Variants in PDPN observed in about 807,000 individuals in gnomAD.
The protein encoded by PDPN is podoplanin, also known as PA2.26 antigen.
PDPN carries 12 observed loss-of-function variants against 23.2 expected under a neutral mutation model. That is an observed-to-expected ratio of 0.52 (90% CI 0.33 to 0.84). PDPN has a LOEUF of 0.84. Among genes scored for constraint, PDPN ranks in the 40% least tolerant of loss-of-function variants. The pLI is 0.02. For missense variants in PDPN, 199 were observed against 212.2 expected (o/e 0.94, Z 0.39); for synonymous variants, 77 against 76.7 (o/e 1.00, Z -0.02).
chr1:13,611,767 G>T (rs183228831), intron 3 of PDPN, among the ~76,000 whole-genome samples: 2 of 151,820 alleles, frequency 1.3e-5, no homozygotes, highest in South Asian at 2.1e-4. Context: ...GGCGGGGAGT[G>T]GGGGGAACCT....
intron 3 of PDPN, among the ~76,000 whole-genome samples, chr1:13,613,444 C>G (rs1009640303): frequency 6.6e-5 from 10 of 151,950 alleles, no homozygotes; most frequent in African/African-American, 2.4e-4. Flanking sequence ...AAAATTAATA[C>G]GTAGAAAAGT....
At chr1:13,604,447 A>G (rs1449734340) in intron 1 of PDPN, among the ~76,000 whole-genome samples, 1 of 150,540 alleles carries the variant, frequency 6.6e-6, no homozygotes, top group African/African-American at 2.4e-5. Flanking sequence ...AATCCTGACT[A>G]TCATTCATAA....
At chr1:13,609,213 C>G (rs1014492744) in intron 2 of PDPN, among the ~76,000 whole-genome samples, 16 of 152,160 alleles carry the variant, frequency 1.1e-4, no homozygotes, top group African/African-American at 3.1e-4. Context: ...TAAGGCTAGT[C>G]TAGTCTAGTC....
chr1:13,605,282 A>AAGCAGT (rs1640753397), intron 1 of PDPN, among the ~76,000 whole-genome samples: 1 of 152,244 alleles, frequency 6.6e-6, no homozygotes, highest in African/African-American at 2.4e-5. Flanking sequence ...AGTGCTGCCT[A>AAGCAGT]GAGACAAACA....
intron 1 of PDPN, among the ~76,000 whole-genome samples, chr1:13,603,459 A>C (rs1384911155): frequency 1.3e-5 from 2 of 152,206 alleles, no homozygotes; most frequent in African/African-American, 4.8e-5. Flanking sequence ...GCAAAGATAA[A>C]AGTTATTCAT....
rs3060293 is a variant in PDPN, at chr1:13,617,741, C to CTA, written c.*1831_*1832insAT. On this transcript the variant is annotated 3_prime_UTR_variant, in exon 6 of 6. Transcript: ENST00000621990. ...AGAAGAGCTGGATGAGTTTAAATAA[C>CTA]TCATTGTTCAGATTCCTGAACAGGA... is the stretch of plus-strand genomic sequence containing the variant. The CTA allele has an allele frequency of 6.6e-6, 1 of 152,222 alleles. No individual in the cohort carries two copies. The highest frequency in any genetic ancestry group is 1.5e-5 in the Non-Finnish European group (1 of 68,080). 9.4% of individuals were successfully genotyped at this position (152,222 alleles called of 1,614,324 possible).
chr1:13,592,040 C>G (rs944479523), intron 1 of PDPN, among the ~76,000 whole-genome samples: 1 of 152,230 alleles, frequency 6.6e-6, no homozygotes, highest in African/African-American at 2.4e-5. Flanking sequence ...CTGGTAGTTT[C>G]AATTTGCATT....
intron 1 of PDPN, among the ~76,000 whole-genome samples, chr1:13,602,810 C>T (rs1053718188): frequency 1.3e-5 from 2 of 152,072 alleles, no homozygotes; most frequent in African/African-American, 4.8e-5. Context: ...TCAGGTGATC[C>T]ACCCGTCTCA....
intron 2 of PDPN, among the ~76,000 whole-genome samples, chr1:13,608,901 C>T (rs545158019): frequency 4.6e-5 from 7 of 151,936 alleles, no homozygotes; most frequent in South Asian, 2.1e-4. Context: ...AATTACAGAA[C>T]GGCTGCCTTT....
chr1:13,610,394 C>T lies in PDPN; in HGVS notation c.209C>T (p.Thr70Ile), dbSNP rs771894538. 6.2e-7 allele frequency: 1 copy of T among 1,613,052 alleles called. No individual in the cohort carries two copies. The highest frequency in any genetic ancestry group is 8.5e-7 in the Non-Finnish European group (1 of 1,179,354). ...CATTTACACCTACAATAGGTGGCAA[C>T]AAGTGTCAACAGTGTAACAGGCATT... Reference protein sequence around the residue: ...YKSGLTTLVATSVNSVTGIRI... With the variant: ...YKSGLTTLVAISVNSVTGIRI... Residue 70 changes from threonine to isoleucine, a missense_variant, in exon 3 of 6, where the codon ACA (threonine) becomes ATA (isoleucine). Thr to Ile is a moderately conservative substitution (Grantham distance 89). Coordinates refer to ENST00000621990, the MANE Select transcript of PDPN (RefSeq NM_006474.5).
At chr1:13,608,957 A>AGTCTC in intron 2 of PDPN, among the ~76,000 whole-genome samples, 1 of 152,180 alleles carries the variant, frequency 6.6e-6, no homozygotes, top group East Asian at 1.9e-4. Context: ...AGCCTAAAGT[A>AGTCTC]GTCTCACCCT....
intron 2 of PDPN, 111 bp from the exon 3 acceptor site, chr1:13,610,276 A>G (rs529788660): frequency 4.5e-4 from 371 of 823,080 alleles, no homozygotes; most frequent in Non-Finnish European, 6.6e-4. Context: ...AATTCATGCC[A>G]TCATATGTTC....
intron 1 of PDPN, among the ~76,000 whole-genome samples, chr1:13,596,566 C>G (rs1054677442): frequency 2.0e-5 from 3 of 152,212 alleles, no homozygotes; most frequent in African/African-American, 7.2e-5. Flanking sequence ...GGGCACACAG[C>G]TCTGGGTTAG....
At chr1:13,608,797 T>C (rs888924251) in intron 2 of PDPN, among the ~76,000 whole-genome samples, 2 of 152,198 alleles carry the variant, frequency 1.3e-5, no homozygotes, top group African/African-American at 2.4e-5. Context: ...ACTGTGTCCA[T>C]TGGCTGGAGT....
chr1:13,614,102 C>T (rs1641005020), intron 4 of PDPN, among the ~76,000 whole-genome samples, 198 bp from the exon 5 acceptor site: 1 of 152,114 alleles, frequency 6.6e-6, no homozygotes, highest in Admixed American at 6.5e-5. Flanking sequence ...TCCTCAGACC[C>T]AGAAATCTTC....
At chr1:13,592,992 T>G (rs541051553) in intron 1 of PDPN, among the ~76,000 whole-genome samples, 2 of 152,350 alleles carry the variant, frequency 1.3e-5, no homozygotes, top group East Asian at 3.9e-4. Context: ...TTACTGCAGC[T>G]TTGTAGTAAG....
chr1:13,616,118 A>G lies in PDPN; in HGVS notation c.*207A>G. ...GGCTCCTCTAAACATTTGCTGTTCA[A>G]ACATGTTTTTGAATATACATTCTAT... On this transcript the variant is annotated 3_prime_UTR_variant, in exon 6 of 6. Coordinates refer to ENST00000621990, the MANE Select transcript of PDPN (RefSeq NM_006474.5). The G allele has an allele frequency of 3.4e-6, 2 of 596,884 alleles. No individual in the cohort carries two copies. Among genetic ancestry groups the G allele is most frequent in the Non-Finnish European group, 6.0e-6 (2 of 331,262 alleles). 37.0% of individuals were successfully genotyped at this position (596,884 alleles called of 1,614,324 possible). A position where few individuals can be genotyped will look rare whatever the true frequency, so the allele number is the denominator to read the frequency against.
rs35244657 is a variant in PDPN at position 13,599,011 on chromosome 1, C to CTTTTTTTTTTTTTT, written c.68-8158_68-8145dup. Among the ~76,000 whole-genome samples the CTTTTTTTTTTTTTT allele has an allele frequency of 1.1e-3, 146 of 127,024 alleles. 3 individuals are homozygous for CTTTTTTTTTTTTTT. Among genetic ancestry groups the CTTTTTTTTTTTTTT allele is most frequent in the African/African-American group, 4.0e-3 (136 of 34,022 alleles). 83.3% of individuals were successfully genotyped at this position (127,024 alleles called of 152,430 possible). A position where few individuals can be genotyped will look rare whatever the true frequency, so the allele number is the denominator to read the frequency against. ...ACAGTCCAAGAAAGTGCCCCCCCTC[C>CTTTTTTTTTTTTTT]TTTTTTTTTTTTTTTTTGGAGATGG... On this transcript the variant is annotated intron_variant, in intron 1 of 5. Coordinates refer to ENST00000621990, the MANE Select transcript of PDPN (RefSeq NM_006474.5).
chr1:13,591,991 G>A (rs1640359792), intron 1 of PDPN, among the ~76,000 whole-genome samples: 1 of 152,220 alleles, frequency 6.6e-6, no homozygotes, highest in Non-Finnish European at 1.5e-5. Context: ...CTGTGTGTGT[G>A]TTTACGTTGT....
Sources: gnomAD v4.1 joint callset for allele counts (sites outside exome capture counted in the v4.1 genomes callset) on GRCh38, gnomAD v4.1.1 for gene constraint, MANE v1.5 for transcripts, NCBI Gene and HGNC (gene_info 2026-07-23, HGNC 2026-07-21) for gene names.